The following GRIK5 variants were observed in gnomAD, a reference collection of about 807,000 sequenced individuals.
GRIK5 encodes the protein glutamate receptor ionotropic, kainate 5.
A neutral mutation model predicts 97.4 loss-of-function variants in GRIK5; 43 were observed. The ratio of observed to expected loss-of-function variants is 0.44; its 90% confidence interval spans 0.35 to 0.57. The LOEUF (loss-of-function observed/expected upper bound fraction) is 0.57, where lower values mean the gene tolerates loss of function less well. Ranked by LOEUF, GRIK5 falls within the 20% of genes least tolerant of loss-of-function variation. GRIK5 has a pLI of 0.01. For synonymous variants in GRIK5, 580 were observed against 583.5 expected, an observed-to-expected ratio of 0.99 and a Z score of 0.09; for missense variants, 1,015 against 1,382.0, an observed-to-expected ratio of 0.73 and a Z score of 4.21.
intron 12 of GRIK5, among the ~76,000 whole-genome samples, chr19:42,024,689 T>C (rs887701913): frequency 6.6e-6 from 1 of 152,160 alleles, no homozygotes; most frequent in Non-Finnish European, 1.5e-5. Flanking sequence ...CCTCTCTGAC[T>C]GGCATTCCAG....
At chr19:42,032,690 C>T (rs1442253878) in intron 12 of GRIK5, among the ~76,000 whole-genome samples, 32 of 152,180 alleles carry the variant, frequency 2.1e-4, no homozygotes, top group Admixed American at 2.0e-3. Context: ...TCTTGTTTCC[C>T]GGCCCCAGCA....
chr19:42,046,855 G>A (rs1324307029), intron 11 of GRIK5, among the ~76,000 whole-genome samples: 3 of 152,132 alleles, frequency 2.0e-5, no homozygotes, highest in South Asian at 4.1e-4. Context: ...TCTATTTTAC[G>A]TAGGTTTGTA....
At position 41,999,478 on chromosome 19, in the gene GRIK5, C is replaced by G. The variant is rs2075407715; in HGVS notation, c.2515-179G>C. ...CCCCGTGTTTTCTGCCTCCCCTCTC[C>G]ACCTCTCCCCACTTATCTTCAATGT... On this transcript the variant is annotated intron_variant, in intron 19 of 19. Transcript: ENST00000593562. The surrounding 1 kb of genome is among the most constrained non-coding windows in gnomAD (Gnocchi z 5.0). Among the ~76,000 whole-genome samples, 2 of 152,114 alleles carry G rather than the reference C, an allele frequency of 1.3e-5. No individual in the cohort carries two copies. Among genetic ancestry groups the G allele is most frequent in the South Asian group, 2.1e-4 (1 of 4,832 alleles).
chr19:42,068,765 G>A (rs2076378121), intron 1 of GRIK5: 3 of 528,614 alleles, frequency 5.7e-6, no homozygotes, highest in Non-Finnish European at 1.0e-5. Flanking sequence ...CAGAGTCAGA[G>A]AGGGGCCCAA....
chr19:42,059,651 C>T, intron 5 of GRIK5, 124 bp from the exon 6 acceptor site: 1 of 778,256 alleles, frequency 1.3e-6, no homozygotes, highest in Non-Finnish European at 2.0e-6. Context: ...GGACATGGGG[C>T]AGCTGGGTCC....
At chr19:42,026,847 C>T (rs1181159437) in intron 12 of GRIK5, among the ~76,000 whole-genome samples, 1 of 152,146 alleles carries the variant, frequency 6.6e-6, no homozygotes, top group African/African-American at 2.4e-5. Flanking sequence ...GGATTACAGA[C>T]ATGAGCCACT....
At chr19:42,026,009 G>A (rs1221265541) in intron 12 of GRIK5, among the ~76,000 whole-genome samples, 2 of 152,134 alleles carry the variant, frequency 1.3e-5, no homozygotes, top group South Asian at 2.1e-4. Flanking sequence ...TTTCTTTTTA[G>A]AGACAGTGTC....
intron 12 of GRIK5, among the ~76,000 whole-genome samples, chr19:42,040,982 G>A (rs900541154): frequency 1.5e-4 from 23 of 152,290 alleles, no homozygotes; most frequent in African/African-American, 3.9e-4. Context: ...ATGGGGCAGC[G>A]CCTTGGGACC....
chr19:42,014,415 T>A (rs933893779), intron 15 of GRIK5, among the ~76,000 whole-genome samples: 10 of 151,014 alleles, frequency 6.6e-5, no homozygotes, highest in African/African-American at 1.7e-4. Context: ...AAAAAAAAAA[T>A]TTTACTATCT....
At position 42,022,445 on chromosome 19, in the gene GRIK5, C is replaced by A. The variant is rs945322260; in HGVS notation, c.1474-91G>T. 7.7e-5 allele frequency: 114 copies of A among 1,483,218 alleles called. No homozygotes were observed. The African/African-American group carries it at 1.4e-3, about 18-fold the overall frequency. 91.9% of individuals were successfully genotyped at this position (1,483,218 alleles called of 1,614,324 possible). Reference sequence around the variant, plus strand: ...AGAGAAATGCACGGAGAGTGAGCAACTGAGGGAGGCGAGAGAGAGAGAGGT... The same window carrying A: ...AGAGAAATGCACGGAGAGTGAGCAAATGAGGGAGGCGAGAGAGAGAGAGGT... On this transcript the variant is annotated intron_variant, in intron 12 of 19. Coordinates refer to ENST00000593562, the MANE Select transcript of GRIK5 (RefSeq NM_002088.5). The surrounding 1 kb of genome is among the most constrained non-coding windows in gnomAD (Gnocchi z 4.2).
chr19:42,063,390 T>C (rs756074173), intron 3 of GRIK5: 1 of 456,588 alleles, frequency 2.2e-6, no homozygotes, highest in South Asian at 1.5e-5. Context: ...GCTTGTCCAG[T>C]GCCTGTTCTC....
At position 42,042,609 on chromosome 19, in the gene GRIK5, G is replaced by GT; in HGVS notation, c.1415dup (p.Tyr472Ter). 6.2e-7 allele frequency: 1 copy of GT among 1,612,712 alleles called. No homozygotes were observed. Among genetic ancestry groups the GT allele is most frequent in the Non-Finnish European group, 8.5e-7 (1 of 1,179,918 alleles). ...YRLRLVEDGL[Y>*]GAPEPNGSWT... The stretch of plus-strand genomic sequence containing the variant: ...AGGAGCCGTTGGGCTCGGGCGCCCC[G>GT]TACAGCCCATCCTCCACCAACCGCA... The change falls in exon 12 of 20, where the codon TAC becomes TAAC. Residue 472 changes from tyrosine to a stop codon, truncating the protein, a stop_gained and frameshift_variant. Coordinates refer to ENST00000593562, the MANE Select transcript of GRIK5 (RefSeq NM_002088.5). LOFTEE classifies it high-confidence loss of function. This position sits in a 1 kb window ranked among gnomAD's most constrained non-coding sequence, Gnocchi z 6.9.
chr19:42,065,588 G>T lies in GRIK5; in HGVS notation c.79+104C>A. ...GAACTGGAGGCTGGGATTCCTTGCT[G>T]CTGAAGAGAGCTGAGACCTGGACCC... On this transcript the variant is annotated intron_variant, in intron 2 of 19. Transcript: ENST00000593562. The surrounding 1 kb of genome is among the most constrained non-coding windows in gnomAD (Gnocchi z 5.8). The T allele has an allele frequency of 2.8e-6, 3 of 1,087,686 alleles. No individual in the cohort carries two copies. The highest frequency in any genetic ancestry group is 1.6e-5 in the African/African-American group (1 of 63,702). The allele number at this position is 1,087,686 out of a possible 1,614,324, so 67.4% of individuals were successfully genotyped here. A position where few individuals can be genotyped will look rare whatever the true frequency, so the allele number is the denominator to read the frequency against.
At position 42,042,779 on chromosome 19, in the gene GRIK5, G is replaced by T; in HGVS notation, c.1270-24C>A. ...TCCTGGGTGGGCAGAAGAAAGCAGG[G>T]GTCAGAGGCTGGGTGTCTAGTGGCT... On this transcript the variant is annotated intron_variant, in intron 11 of 19. Coordinates refer to ENST00000593562, the MANE Select transcript of GRIK5 (RefSeq NM_002088.5). This position sits in a 1 kb window ranked among gnomAD's most constrained non-coding sequence, Gnocchi z 6.9. 1 of 1,592,182 alleles carries T rather than the reference G, an allele frequency of 6.3e-7. No homozygotes were observed. The highest frequency in any genetic ancestry group is 2.2e-5 in the East Asian group (1 of 44,498).
Position 42,021,162 on chromosome 19 carries a change from AC to A in GRIK5, c.1871+138del. ...GCAGAGCTGGAGCTCAGCTCTCCCC[AC>A]CCCATTCCTCGTCACACAGCTCTGC... On this transcript the variant is annotated intron_variant, in intron 15 of 19. Coordinates refer to ENST00000593562, the MANE Select transcript of GRIK5 (RefSeq NM_002088.5). The surrounding 1 kb of genome is among the most constrained non-coding windows in gnomAD (Gnocchi z 4.2). 1.4e-6 allele frequency: 1 copy of A among 707,046 alleles called. No individual in the cohort carries two copies. The highest frequency in any genetic ancestry group is 2.3e-6 in the Non-Finnish European group (1 of 435,984). 43.8% of individuals were successfully genotyped at this position (707,046 alleles called of 1,614,324 possible).
Position 42,056,952 on chromosome 19 carries a change from C to T in GRIK5, c.714G>A (p.Ala238=), listed in dbSNP as rs75155857. 112 of 1,565,666 alleles carry T rather than the reference C, an allele frequency of 7.2e-5. No individual in the cohort carries two copies. The African/African-American group carries it at 1.3e-3, about 18-fold the overall frequency. The change falls in exon 7 of 20, where the codon GCG becomes GCA. Residue 238 remains alanine (A), a synonymous_variant. Coordinates refer to ENST00000593562, the MANE Select transcript of GRIK5 (RefSeq NM_002088.5). ...TGGTGGTGAGGATGTACTTGTAAAA[C>T]GCTGAGGTCATTCCCAGTTCCGAGG... ...RKASELGMTS[A]FYKYILTTMD...
intron 11 of GRIK5, among the ~76,000 whole-genome samples, chr19:42,052,987 A>G (rs1431296409): frequency 2.0e-5 from 3 of 152,386 alleles, no homozygotes; most frequent in South Asian, 2.1e-4. Context: ...GGCCTAGCAC[A>G]GTGCCCGGTG....
rs1266480785 is a variant in GRIK5 at position 41,999,864 on chromosome 19, A to G, written c.2515-565T>C. On this transcript the variant is annotated intron_variant, in intron 19 of 19. Coordinates refer to ENST00000593562, the MANE Select transcript of GRIK5 (RefSeq NM_002088.5). This position sits in a 1 kb window ranked among gnomAD's most constrained non-coding sequence, Gnocchi z 5.0. ...AAAATCGGGAAGAGGCCTAAGGTGT[A>G]TGGGTAGGGAGTGACGATGAATTCT... 2.6e-5 allele frequency among the ~76,000 whole-genome samples: 4 copies of G among 152,222 alleles called. No individual in the cohort carries two copies. Among genetic ancestry groups the G allele is most frequent in the Admixed American group, 6.5e-5 (1 of 15,280 alleles).
In GRIK5 at chr19:42,065,368, C is replaced by A; in HGVS notation, c.99G>T (p.Gln33His). The change falls in exon 3 of 20, where the codon CAG becomes CAT. Residue 33 changes from glutamine to histidine, a missense_variant. Physicochemically the swap from Gln to His is conservative, Grantham distance 24. Coordinates refer to ENST00000593562, the MANE Select transcript of GRIK5 (RefSeq NM_002088.5). The surrounding 1 kb of genome is among the most constrained non-coding windows in gnomAD (Gnocchi z 5.8). ...GACGCTCACCGCGGCCACACACTGT[C>A]TGATCATCCAGGATTGCAGCTGAGG... Reference protein sequence around the residue: ...SLRMAAILDDQTVCGRGERLA... With the variant: ...SLRMAAILDDHTVCGRGERLA... The A allele has an allele frequency of 6.3e-7, 1 of 1,595,278 alleles. No homozygotes were observed. Among genetic ancestry groups the A allele is most frequent in the South Asian group, 1.1e-5 (1 of 90,078 alleles).
Sources: allele counts gnomAD v4.1 joint callset (sites outside exome capture counted in the v4.1 genomes callset), GRCh38; gene constraint gnomAD v4.1.1; non-coding constraint Gnocchi (gnomAD v3.1); transcripts MANE v1.5; gene names NCBI Gene and HGNC (gene_info 2026-07-23, HGNC 2026-07-21).